The following NMNAT2 variants were observed in gnomAD, a reference collection of about 807,000 sequenced individuals.
The protein encoded by NMNAT2 is nicotinamide nucleotide adenylyltransferase 2.
Under a neutral mutation model 41.6 loss-of-function variants are expected in NMNAT2, and 11 were observed. The observed-to-expected ratio is 0.26, with a 90% CI of 0.17 to 0.44. NMNAT2 has a LOEUF of 0.44. Ranked by LOEUF, NMNAT2 falls within the 20% of genes least tolerant of loss-of-function variation. NMNAT2 has a pLI of 1.00. For synonymous variants in NMNAT2, 148 were observed against 151.2 expected (o/e 0.98, Z 0.16); for missense variants, 288 against 407.7 (o/e 0.71, Z 2.53).
chr1:183,270,012 T>A (rs1477462863), intron 8 of NMNAT2, among the ~76,000 whole-genome samples: 2 of 152,160 alleles, frequency 1.3e-5, no homozygotes, highest in Non-Finnish European at 2.9e-5. Context: ...GCCTCCCAAG[T>A]AGCTGGGACT....
chr1:183,356,696 G>T (rs1427654770), intron 1 of NMNAT2, among the ~76,000 whole-genome samples: 1 of 152,186 alleles, frequency 6.6e-6, no homozygotes, highest in South Asian at 2.1e-4. Flanking sequence ...ATATAAACAC[G>T]CTGAGTTAAC....
chr1:183,323,991 A>G (rs1214960277), intron 1 of NMNAT2, among the ~76,000 whole-genome samples: 1 of 152,224 alleles, frequency 6.6e-6, no homozygotes, highest in Non-Finnish European at 1.5e-5. Flanking sequence ...CTGAAACTTG[A>G]GAGCTTCAGG....
At chr1:183,285,712 T>C (rs1363023076) in intron 5 of NMNAT2, among the ~76,000 whole-genome samples, 1 of 152,252 alleles carries the variant, frequency 6.6e-6, no homozygotes, top group African/African-American at 2.4e-5. Context: ...CTAGCTCTTC[T>C]ACTTTTGAGC....
chr1:183,294,635 C>T (rs993848331), intron 1 of NMNAT2, among the ~76,000 whole-genome samples: 2 of 152,100 alleles, frequency 1.3e-5, no homozygotes, highest in Admixed American at 6.5e-5. Flanking sequence ...ACTAAAAATA[C>T]AAAACTTAGC....
At chr1:183,361,589 C>T (rs1048146329) in intron 1 of NMNAT2, among the ~76,000 whole-genome samples, 1 of 104,524 alleles carries the variant, frequency 9.6e-6, no homozygotes, top group African/African-American at 3.1e-5. Context: ...GTGGCAATGG[C>T]AAATCCTAGT....
At chr1:183,376,566 G>A (rs1571626792) in intron 1 of NMNAT2, among the ~76,000 whole-genome samples, 1 of 152,196 alleles carries the variant, frequency 6.6e-6, no homozygotes, top group Non-Finnish European at 1.5e-5. Context: ...ATATTGCCAT[G>A]ATGCGATGAC....
chr1:183,389,788 GA>G (rs1258363347), intron 1 of NMNAT2, among the ~76,000 whole-genome samples: 2 of 61,794 alleles, frequency 3.2e-5, no homozygotes, highest in Non-Finnish European at 6.8e-5. Flanking sequence ...AAGAAAGAAA[GA>G]AAGAAAGAAA....
chr1:183,277,685 T>C (rs754508966), intron 8 of NMNAT2, among the ~76,000 whole-genome samples: 29 of 152,304 alleles, frequency 1.9e-4, no homozygotes, highest in Non-Finnish European at 3.8e-4. Flanking sequence ...GTGTATGTCA[T>C]GCCACCTATT....
intron 1 of NMNAT2, among the ~76,000 whole-genome samples, chr1:183,360,901 T>G (rs1340829282): frequency 1.3e-5 from 2 of 152,196 alleles, no homozygotes; most frequent in Non-Finnish European, 2.9e-5. Context: ...TACATAATTA[T>G]AAAAATCTCA....
chr1:183,311,825 A>G (rs57985104), intron 1 of NMNAT2, among the ~76,000 whole-genome samples: 41,106 of 149,712 alleles, frequency 0.27, 5,797 homozygotes, highest in East Asian at 0.5. Flanking sequence ...TCCCCACTCA[A>G]ATCTCATTTT....
At chr1:183,340,427 A>G (rs1478642771) in intron 1 of NMNAT2, among the ~76,000 whole-genome samples, 1 of 151,330 alleles carries the variant, frequency 6.6e-6, no homozygotes, top group East Asian at 1.9e-4. Flanking sequence ...GGTTCAAGCA[A>G]TTCTCCTGCC....
rs1661406609 is a variant in NMNAT2 at position 183,286,687 on chromosome 1, G to A, written c.423C>T (p.Ser141=). Residue 141 remains serine, a synonymous_variant, in exon 5 of 11, where the codon AGC becomes AGT. Coordinates refer to ENST00000287713, the MANE Select transcript of NMNAT2 (RefSeq NM_015039.4). ...NETPQPIYQN[S]NVATKPTAAK... is the part of the protein sequence containing the mutation. ...CTGCAGTGGGCTTGGTGGCCACGTT[G>A]CTGTTCTGGTAAATGGGCTGGGGGG... 1.9e-6 allele frequency: 3 copies of A among 1,611,628 alleles called. No homozygotes were observed. In the East Asian group the frequency reaches 6.7e-5, roughly 36 times the overall value.
chr1:183,364,396 ACT>A (rs1181255416), intron 1 of NMNAT2, among the ~76,000 whole-genome samples: 1 of 152,150 alleles, frequency 6.6e-6, no homozygotes, highest in East Asian at 1.9e-4. Flanking sequence ...CCCATTGGCA[ACT>A]CTTTCATCTG....
intron 1 of NMNAT2, among the ~76,000 whole-genome samples, chr1:183,411,916 G>C (rs1450175235): frequency 6.6e-6 from 1 of 152,180 alleles, no homozygotes; most frequent in East Asian, 1.9e-4. Context: ...TTTGAGTAAA[G>C]AATTGGAGGA....
chr1:183,361,717 A>G (rs558681902), intron 1 of NMNAT2, among the ~76,000 whole-genome samples: 113 of 152,298 alleles, frequency 7.4e-4, no homozygotes, highest in African/African-American at 2.6e-3. Context: ...TATTTTGTGA[A>G]GTATCTCCCC....
intron 1 of NMNAT2, among the ~76,000 whole-genome samples, chr1:183,327,562 A>G (rs544210674): frequency 6.6e-6 from 1 of 152,282 alleles, no homozygotes; most frequent in East Asian, 1.9e-4. Context: ...ACTCTTCTCA[A>G]ATTCAGACAT....
Position 183,281,370 on chromosome 1 carries a change from C to A in NMNAT2, c.574+2625G>T, listed in dbSNP as rs575022070. ...GCTAGGAGTGCTGCTAAACATCCTACAATGCACAGGGAAGCCCCCCTCCCC... is the reference window on the plus strand; with the variant it reads ...GCTAGGAGTGCTGCTAAACATCCTAAAATGCACAGGGAAGCCCCCCTCCCC... On this transcript the variant is annotated intron_variant, in intron 7 of 10. Transcript: ENST00000287713. Among the ~76,000 whole-genome samples the A allele has an allele frequency of 5.9e-5, 9 of 152,262 alleles. No individual in the cohort carries two copies. In the East Asian group the frequency reaches 1.5e-3, roughly 26 times the overall value.
At chr1:183,362,963 T>C (rs924099034) in intron 1 of NMNAT2, among the ~76,000 whole-genome samples, 11 of 152,366 alleles carry the variant, frequency 7.2e-5, no homozygotes, top group Admixed American at 7.2e-4. Flanking sequence ...CTTGTTATTG[T>C]CTGTCTTTTT....
chr1:183,322,649 G>A (rs1662377648), intron 1 of NMNAT2, among the ~76,000 whole-genome samples: 1 of 152,108 alleles, frequency 6.6e-6, no homozygotes, highest in Admixed American at 6.6e-5. Flanking sequence ...CACTACCTGG[G>A]TCCCAATGGC....
Sources: gnomAD v4.1 joint callset for allele counts (sites outside exome capture counted in the v4.1 genomes callset) on GRCh38, gnomAD v4.1.1 for gene constraint, MANE v1.5 for transcripts, NCBI Gene and HGNC (gene_info 2026-07-23, HGNC 2026-07-21) for gene names.